Variants in AGBL1 observed in about 807,000 individuals in gnomAD.
AGBL1 encodes AGBL carboxypeptidase 1, also known as cytosolic carboxypeptidase 4.
Under a neutral mutation model 118.9 loss-of-function variants are expected in AGBL1, and 130 were observed. The observed-to-expected ratio is 1.09, with a 90% confidence interval of 0.95 to 1.26. The LOEUF is 1.26. Ranked by LOEUF, AGBL1 falls within the 50% of genes most tolerant of loss-of-function variation. AGBL1 has a pLI of 0.00. For synonymous variants in AGBL1, 555 were observed against 478.9 expected (o/e 1.16, Z -2.08); for missense variants, 1,584 against 1,298.1 (o/e 1.22, Z -3.38).
chr15:86,329,021 G>C (rs1473466969), intron 17 of AGBL1, among the ~76,000 whole-genome samples: 3 of 152,198 alleles, frequency 2.0e-5, no homozygotes, highest in East Asian at 3.9e-4. Context: ...CAGTGCTTCA[G>C]CAGTAGGTGC....
intron 18 of AGBL1, among the ~76,000 whole-genome samples, chr15:86,501,821 C>T (rs1596195714): frequency 6.6e-6 from 1 of 151,726 alleles, no homozygotes; most frequent in South Asian, 2.1e-4. Context: ...ATCTTTATTA[C>T]AGTATCATAC....
chr15:86,357,985 CTAAT>C (rs1337082983), intron 17 of AGBL1, among the ~76,000 whole-genome samples: 1 of 152,066 alleles, frequency 6.6e-6, no homozygotes, highest in African/African-American at 2.4e-5. Context: ...CACAATTAAG[CTAAT>C]TAATATATCT....
intron 7 of AGBL1, among the ~76,000 whole-genome samples, chr15:86,255,922 A>T (rs1005001493): frequency 6.6e-6 from 1 of 152,206 alleles, no homozygotes; most frequent in African/African-American, 2.4e-5. Context: ...GCCATAGTTC[A>T]GCAGCACCAC....
At chr15:86,091,078 G>A (rs1895991123) in intron 1 of AGBL1, among the ~76,000 whole-genome samples, 1 of 152,112 alleles carries the variant, frequency 6.6e-6, no homozygotes, top group Non-Finnish European at 1.5e-5. Context: ...TACTGCCACC[G>A]ACTTTCTGGT....
chr15:86,415,449 T>G (rs1377271787), intron 18 of AGBL1, among the ~76,000 whole-genome samples: 1 of 152,146 alleles, frequency 6.6e-6, no homozygotes, highest in Non-Finnish European at 1.5e-5. Context: ...CCATTATGAG[T>G]TAAGTGAGTT....
At chr15:86,895,077 C>CTTTCT (rs2141566277) in intron 22 of AGBL1, among the ~76,000 whole-genome samples, 2 of 151,548 alleles carry the variant, frequency 1.3e-5, no homozygotes, top group South Asian at 4.2e-4. Context: ...CCCTCCTTCC[C>CTTTCT]TTTCTTTTAT....
chr15:86,995,872 A>C (rs2081375341), intron 24 of AGBL1, among the ~76,000 whole-genome samples: 1 of 152,196 alleles, frequency 6.6e-6, no homozygotes, highest in East Asian at 1.9e-4. Flanking sequence ...TCTTTGCAGC[A>C]GGAGTGTATT....
intron 22 of AGBL1, among the ~76,000 whole-genome samples, chr15:86,847,741 C>T (rs538809659): frequency 1.4e-4 from 21 of 152,284 alleles, no homozygotes; most frequent in South Asian, 4.1e-4. Context: ...CTCTTGCACA[C>T]GTATGCAGAC....
intron 5 of AGBL1, among the ~76,000 whole-genome samples, chr15:86,160,786 C>T (rs1244748152): frequency 2.6e-5 from 4 of 152,174 alleles, no homozygotes; most frequent in Non-Finnish European, 4.4e-5. Context: ...GGGTCTCACT[C>T]AGTCTTCTCC....
intron 23 of AGBL1, among the ~76,000 whole-genome samples, chr15:86,946,732 A>G (rs2080826434): frequency 6.6e-6 from 1 of 150,580 alleles, no homozygotes; most frequent in South Asian, 2.1e-4. Context: ...CTGTAACCTC[A>G]GCTACTCGGG....
At chr15:86,580,778 T>C (rs1444206828) in intron 21 of AGBL1, among the ~76,000 whole-genome samples, 2 of 152,194 alleles carry the variant, frequency 1.3e-5, no homozygotes, top group Non-Finnish European at 1.5e-5. Flanking sequence ...ATTCACCCTA[T>C]AGTGCTATGG....
intron 23 of AGBL1, among the ~76,000 whole-genome samples, chr15:86,979,896 C>T (rs1046975508): frequency 1.3e-5 from 2 of 152,124 alleles, no homozygotes; most frequent in Non-Finnish European, 2.9e-5. Flanking sequence ...CCTTTCCCAT[C>T]CCATAACAAC....
At chr15:86,388,229 T>G (rs921798931) in intron 17 of AGBL1, among the ~76,000 whole-genome samples, 6 of 152,192 alleles carry the variant, frequency 3.9e-5, no homozygotes, top group African/African-American at 1.4e-4. Context: ...CGTGATTACC[T>G]GCACTTTCTA....
chr15:86,895,707 A>C lies in AGBL1; in HGVS notation c.3159-11380A>C, dbSNP rs1240051397. On this transcript the variant is annotated intron_variant, in intron 22 of 22. Transcript: ENST00000614907. The stretch of plus-strand genomic sequence containing the variant: ...AGAATAATTTTATATTTATAGAAAC[A>C]CTGCAAAGATACCACAGAAAGTTCC... Among the ~76,000 whole-genome samples, 7 of 152,100 alleles carry C rather than the reference A, an allele frequency of 4.6e-5. No individual in the cohort carries two copies. The South Asian group carries it at 1.5e-3, about 32-fold the overall frequency.
chr15:86,830,702 G>C (rs1456124629), intron 22 of AGBL1, among the ~76,000 whole-genome samples: 1 of 152,144 alleles, frequency 6.6e-6, no homozygotes, highest in African/African-American at 2.4e-5. Flanking sequence ...ATAGCAGACA[G>C]GCCAATTATT....
At chr15:86,747,025 G>A (rs553151309) in intron 22 of AGBL1, among the ~76,000 whole-genome samples, 7 of 152,070 alleles carry the variant, frequency 4.6e-5, no homozygotes, top group Non-Finnish European at 7.4e-5. Context: ...TTTCCATAAT[G>A]GAAACTGGAA....
At chr15:86,203,111 A>G (rs2077933907) in intron 5 of AGBL1, among the ~76,000 whole-genome samples, 2 of 151,662 alleles carry the variant, frequency 1.3e-5, no homozygotes, top group African/African-American at 2.4e-5. Context: ...TGATAGTGAT[A>G]ATGATGATGA....
chr15:86,351,422 A>G (rs2080624763), intron 17 of AGBL1, among the ~76,000 whole-genome samples: 1 of 152,192 alleles, frequency 6.6e-6, no homozygotes, highest in Non-Finnish European at 1.5e-5. Flanking sequence ...TTCAAATGAT[A>G]GTACCTGCTA....
intron 22 of AGBL1, among the ~76,000 whole-genome samples, chr15:86,720,909 T>A (rs1363832106): frequency 6.6e-6 from 1 of 152,084 alleles, no homozygotes; most frequent in Non-Finnish European, 1.5e-5. Context: ...AAGAAATGGA[T>A]AGATTCCTCA....
Sources: gnomAD v4.1 joint callset for allele counts (sites outside exome capture counted in the v4.1 genomes callset) on GRCh38, gnomAD v4.1.1 for gene constraint, MANE v1.5 for transcripts, NCBI Gene and HGNC (gene_info 2026-07-23, HGNC 2026-07-21) for gene names.